The following MSRB3 variants were observed in gnomAD, a reference collection of about 807,000 sequenced individuals.
The protein encoded by MSRB3 is methionine-R-sulfoxide reductase B3.
In MSRB3, 13 loss-of-function variants were observed where a neutral mutation model predicts 21.0. That is an observed-to-expected ratio of 0.62 (90% confidence interval 0.40 to 0.98). The LOEUF is 0.98. Among genes scored for constraint, MSRB3 ranks in the 50% least tolerant of loss-of-function variants. The pLI, the probability that MSRB3 is intolerant of heterozygous loss-of-function variation, is 0.00. For synonymous variants in MSRB3, 87 were observed against 88.6 expected (o/e 0.98, Z 0.10); for missense variants, 199 against 230.3 (o/e 0.86, Z 0.88).
chr12:65,340,725 A>T (rs1052618206), intron 4 of MSRB3, among the ~76,000 whole-genome samples: 4 of 152,166 alleles, frequency 2.6e-5, no homozygotes, highest in Admixed American at 1.3e-4. Flanking sequence ...TATAATGTTT[A>T]AAACACTAGA....
intron 5 of MSRB3, among the ~76,000 whole-genome samples, chr12:65,417,769 A>G (rs761298392): frequency 6.6e-6 from 1 of 152,220 alleles, no homozygotes; most frequent in Non-Finnish European, 1.5e-5. Flanking sequence ...TTCAATTAAC[A>G]TAACATCCTT....
chr12:65,383,938 C>A (rs1344794391), intron 5 of MSRB3, among the ~76,000 whole-genome samples: 1 of 152,108 alleles, frequency 6.6e-6, no homozygotes. Flanking sequence ...GGATTACAGG[C>A]GTGAGCCACT....
chr12:65,429,568 T>C (rs954612000), intron 5 of MSRB3, among the ~76,000 whole-genome samples: 4 of 152,166 alleles, frequency 2.6e-5, no homozygotes, highest in African/African-American at 9.7e-5. Context: ...TTCTGCATAT[T>C]TTGTCCTTAT....
chr12:65,306,439 G>T (rs562823522), intron 1 of MSRB3, among the ~76,000 whole-genome samples: 3 of 152,294 alleles, frequency 2.0e-5, no homozygotes, highest in African/African-American at 7.2e-5. Flanking sequence ...TGGTTTATGA[G>T]TAATGCTACT....
At chr12:65,369,243 T>G (rs1208547024) in intron 5 of MSRB3, among the ~76,000 whole-genome samples, 1 of 152,106 alleles carries the variant, frequency 6.6e-6, no homozygotes, top group Non-Finnish European at 1.5e-5. Context: ...AAGCATTACA[T>G]GACCTATATC....
At chr12:65,355,021 A>T (rs1280370700) in intron 4 of MSRB3, among the ~76,000 whole-genome samples, 1 of 151,820 alleles carries the variant, frequency 6.6e-6, no homozygotes, top group Non-Finnish European at 1.5e-5. Context: ...TTTTTTGGAT[A>T]AACTGAAAAA....
At chr12:65,291,937 C>T (rs756667483) in intron 1 of MSRB3, among the ~76,000 whole-genome samples, 7 of 152,094 alleles carry the variant, frequency 4.6e-5, no homozygotes, top group African/African-American at 7.2e-5. Flanking sequence ...TTGTGTTGAA[C>T]GGATTGTAGG....
rs184841608 is a variant in MSRB3, at chr12:65,374,807, C to G, written c.292+5781C>G. ...TTTATTTCTTTTACAGGATCCTATTCAAGATTAGCCTGAAAAATCAGGCAA... is the reference window on the plus strand; with the variant it reads ...TTTATTTCTTTTACAGGATCCTATTGAAGATTAGCCTGAAAAATCAGGCAA... On this transcript the variant is annotated intron_variant, in intron 5 of 6. Transcript: ENST00000308259. Among the ~76,000 whole-genome samples the G allele has an allele frequency of 4.4e-3, 676 of 152,274 alleles. 4 individuals are homozygous for G. Among genetic ancestry groups the G allele is most frequent in the African/African-American group, 0.015 (628 of 41,564 alleles).
chr12:65,373,413 G>A (rs141533808), intron 5 of MSRB3, among the ~76,000 whole-genome samples: 286 of 152,204 alleles, frequency 1.9e-3, no homozygotes, highest in African/African-American at 6.2e-3. Context: ...AGCTTGTACC[G>A]TAATTCTGTG....
At chr12:65,349,677 T>TC (rs1389680834) in intron 4 of MSRB3, among the ~76,000 whole-genome samples, 1 of 147,790 alleles carries the variant, frequency 6.8e-6, no homozygotes, top group Non-Finnish European at 1.5e-5. Context: ...GAGCATTTTT[T>TC]CAAGTGTTTT....
At chr12:65,320,942 T>C (rs1394266678) in intron 2 of MSRB3, among the ~76,000 whole-genome samples, 1 of 152,226 alleles carries the variant, frequency 6.6e-6, no homozygotes, top group African/African-American at 2.4e-5. Flanking sequence ...ATCTCTTGCA[T>C]TGATCATTCC....
chr12:65,375,812 T>A (rs574933215), intron 5 of MSRB3, among the ~76,000 whole-genome samples: 26 of 152,164 alleles, frequency 1.7e-4, no homozygotes, highest in African/African-American at 3.4e-4. Context: ...TTTTTTTTTT[T>A]AAATTTCCAA....
intron 1 of MSRB3, among the ~76,000 whole-genome samples, chr12:65,289,249 C>T (rs1424530716): frequency 2.0e-5 from 3 of 152,162 alleles, no homozygotes; most frequent in Non-Finnish European, 4.4e-5. Flanking sequence ...ATTCCCAGCA[C>T]TTTGGGAGGC....
chr12:65,335,659 A>C (rs1875719004), intron 4 of MSRB3, among the ~76,000 whole-genome samples: 1 of 152,138 alleles, frequency 6.6e-6, no homozygotes, highest in African/African-American at 2.4e-5. Context: ...TGAGAAGATA[A>C]GAGTTTTCCC....
chr12:65,453,905 C>T (rs764211921), intron 6 of MSRB3, 80 bp downstream of exon 6: 75 of 1,115,500 alleles, frequency 6.7e-5, no homozygotes, highest in Admixed American at 1.4e-4. Flanking sequence ...TAAGGCCAAG[C>T]GACTGGTCAC....
intron 5 of MSRB3, among the ~76,000 whole-genome samples, chr12:65,452,323 A>G (rs544474119): frequency 1.3e-5 from 2 of 152,302 alleles, no homozygotes; most frequent in Admixed American, 6.5e-5. Flanking sequence ...AATGTCCTCA[A>G]ATATCACCAT....
intron 4 of MSRB3, among the ~76,000 whole-genome samples, chr12:65,357,689 C>A (rs1488000088): frequency 6.6e-6 from 1 of 151,784 alleles, no homozygotes; most frequent in Non-Finnish European, 1.5e-5. Flanking sequence ...TTTTTGATGA[C>A]CTTGGCAGGT....
At chr12:65,347,016 C>T (rs1253020260) in intron 4 of MSRB3, among the ~76,000 whole-genome samples, 1 of 151,912 alleles carries the variant, frequency 6.6e-6, no homozygotes, top group Non-Finnish European at 1.5e-5. Flanking sequence ...AGTCAGATAG[C>T]ATGATGCCTT....
At chr12:65,419,342 G>A in intron 5 of MSRB3, 2 of 758,080 alleles carry the variant, frequency 2.6e-6, no homozygotes, top group South Asian at 2.7e-5. Flanking sequence ...CTGACAATCT[G>A]GGCTTGTAGG....
Sources: allele counts gnomAD v4.1 joint callset (sites outside exome capture counted in the v4.1 genomes callset), GRCh38; gene constraint gnomAD v4.1.1; transcripts MANE v1.5; gene names NCBI Gene and HGNC (gene_info 2026-07-23, HGNC 2026-07-21).